ADAMTS9: variants seen among roughly 807,000 people sequenced by gnomAD.
ADAMTS9 encodes A disintegrin and metalloproteinase with thrombospondin motifs 9.
Under a neutral mutation model 257.1 loss-of-function variants are expected in ADAMTS9, and 107 were observed. That is an observed-to-expected ratio of 0.42 (90% CI 0.36 to 0.49). ADAMTS9 has a LOEUF of 0.49. Ranked by LOEUF, ADAMTS9 falls within the 20% of genes least tolerant of loss-of-function variation. The probability of loss-of-function intolerance (pLI) is 0.03; values close to 1 mark genes in which losing one functional copy is unlikely to be tolerated. For missense variants in ADAMTS9, 2,353 were observed against 2,469.1 expected (o/e 0.95, Z 1.00); for synonymous variants, 982 against 880.9 (o/e 1.11, Z -2.03).
chr3:64,671,309 G>C (rs918053673), intron 3 of ADAMTS9, among the ~76,000 whole-genome samples: 8 of 152,138 alleles, frequency 5.3e-5, no homozygotes, highest in Admixed American at 1.3e-4. Context: ...ACAGAAAACA[G>C]GGGTGGGGAG....
rs367823474 is a variant in ADAMTS9 at position 64,604,276 on chromosome 3, C to A, written c.3530G>T (p.Ser1177Ile). The change falls in exon 24 of 40, where the codon AGC becomes ATC. Residue 1177 changes from serine to isoleucine, a missense_variant. By Grantham distance (142) the Ser-to-Ile change is moderately radical (BLOSUM62 -2). Transcript: ENST00000498707. ...PPPAAPETRR[S>I]TYSAPRTQWR... is the part of the protein sequence containing the mutation. ...CTGGGTTCTTGGTGCACTGTATGTG[C>A]TTCTCCTCGTTTCCGGGGCAGCTGG... 1.2e-6 allele frequency: 2 copies of A among 1,613,502 alleles called. No individual in the cohort carries two copies. Among genetic ancestry groups the A allele is most frequent in the Non-Finnish European group, 1.7e-6 (2 of 1,179,820 alleles).
intron 3 of ADAMTS9, among the ~76,000 whole-genome samples, chr3:64,666,180 C>G (rs1701350935): frequency 6.6e-6 from 1 of 152,108 alleles, no homozygotes; most frequent in African/African-American, 2.4e-5. Flanking sequence ...CGTTGCAATA[C>G]AATAAAATGC....
At chr3:64,578,444 C>A (rs954035807) in intron 28 of ADAMTS9, among the ~76,000 whole-genome samples, 2 of 152,172 alleles carry the variant, frequency 1.3e-5, no homozygotes, top group Non-Finnish European at 2.9e-5. Context: ...ATGATTCCTA[C>A]ACTACTCTGA....
intron 2 of ADAMTS9, among the ~76,000 whole-genome samples, chr3:64,682,130 G>A (rs755793652): frequency 3.5e-4 from 53 of 152,164 alleles, no homozygotes; most frequent in Non-Finnish European, 1.2e-4. Flanking sequence ...TTTGAAGCCA[G>A]ATTGCCCTAG....
At chr3:64,677,960 C>T (rs1224654987) in intron 3 of ADAMTS9, among the ~76,000 whole-genome samples, 1 of 152,118 alleles carries the variant, frequency 6.6e-6, no homozygotes, top group Non-Finnish European at 1.5e-5. Flanking sequence ...CCCTTTTTAA[C>T]ATAAGTTATC....
intron 22 of ADAMTS9, among the ~76,000 whole-genome samples, chr3:64,612,641 C>T (rs1163607866): frequency 6.6e-6 from 1 of 152,174 alleles, no homozygotes; most frequent in African/African-American, 2.4e-5. Context: ...TGACAGCAGA[C>T]AGCTGTTCTA....
At chr3:64,533,479 A>G (rs188134835) in intron 37 of ADAMTS9, among the ~76,000 whole-genome samples, 525 of 152,322 alleles carry the variant, frequency 3.4e-3, no homozygotes, top group Non-Finnish European at 4.1e-3. Flanking sequence ...AAAGAGCTCT[A>G]CGAAGGAGGT....
chr3:64,619,206 T>C (rs576219250), intron 19 of ADAMTS9, among the ~76,000 whole-genome samples: 2 of 152,256 alleles, frequency 1.3e-5, no homozygotes, highest in South Asian at 2.1e-4. Flanking sequence ...GCTGTATCTA[T>C]AGTTATAATC....
intron 32 of ADAMTS9, among the ~76,000 whole-genome samples, chr3:64,545,259 C>T (rs374545247): frequency 2.6e-5 from 4 of 152,112 alleles, no homozygotes; most frequent in African/African-American, 7.2e-5. Context: ...CATTACTGGG[C>T]ATATACCCAA....
chr3:64,560,691 C>T (rs1343086782), intron 30 of ADAMTS9, among the ~76,000 whole-genome samples: 1 of 152,122 alleles, frequency 6.6e-6, no homozygotes, highest in African/African-American at 2.4e-5. Flanking sequence ...CAAAAAGTAC[C>T]CAGCACAGTG....
chr3:64,538,733 A>G (rs1157831888), intron 37 of ADAMTS9, among the ~76,000 whole-genome samples: 1 of 152,120 alleles, frequency 6.6e-6, no homozygotes, highest in African/African-American at 2.4e-5. Flanking sequence ...CCTTCTTCCT[A>G]GCCCTCCATT....
intron 38 of ADAMTS9, among the ~76,000 whole-genome samples, chr3:64,525,554 TA>T (rs1198596360): frequency 6.6e-6 from 1 of 152,134 alleles, no homozygotes; most frequent in Non-Finnish European, 1.5e-5. Flanking sequence ...AATCTCATTT[TA>T]AAAAAGGAAG....
chr3:64,664,545 T>C (rs1450037761), intron 3 of ADAMTS9, among the ~76,000 whole-genome samples: 5 of 152,212 alleles, frequency 3.3e-5, no homozygotes, highest in Non-Finnish European at 5.9e-5. Flanking sequence ...CTTCTGTGAC[T>C]GGCTTCTTTC....
intron 30 of ADAMTS9, among the ~76,000 whole-genome samples, chr3:64,555,773 G>C (rs2083325370): frequency 6.6e-6 from 1 of 152,130 alleles, no homozygotes; most frequent in African/African-American, 2.4e-5. Context: ...TCTTAGGAGG[G>C]GCTCAGCATG....
In ADAMTS9 at chr3:64,654,536, G is replaced by T. The variant is rs59517147; in HGVS notation, c.1210+36C>A. The stretch of plus-strand genomic sequence containing the variant: ...TTGAAATACAAACATGTAGTAAAAC[G>T]GTTTTAGCCATAGAAGATACGCACA... On this transcript the variant is annotated intron_variant, in intron 7 of 39. Coordinates refer to ENST00000498707, the MANE Select transcript of ADAMTS9 (RefSeq NM_182920.2). The T allele has an allele frequency of 0.58, 929,712 of 1,612,572 alleles. 273,064 individuals carry two copies. Among genetic ancestry groups the T allele is most frequent in the African/African-American group, 0.72 (53,915 of 74,914 alleles).
At chr3:64,682,264 T>C (rs1701777208) in intron 2 of ADAMTS9, among the ~76,000 whole-genome samples, 1 of 152,152 alleles carries the variant, frequency 6.6e-6, no homozygotes, top group Non-Finnish European at 1.5e-5. Flanking sequence ...ACTGTGCAGA[T>C]TAAATAAGAT....
At chr3:64,604,162 A>G in intron 24 of ADAMTS9, 65 bp downstream of exon 24, 1 of 1,600,072 alleles carries the variant, frequency 6.2e-7, no homozygotes, top group Non-Finnish European at 8.5e-7. Context: ...CCCACTTTCT[A>G]TAGCCATGTC....
At chr3:64,535,543 TTTTC>T (rs1247332048) in intron 37 of ADAMTS9, among the ~76,000 whole-genome samples, 18 of 128,164 alleles carry the variant, frequency 1.4e-4, no homozygotes, top group Non-Finnish European at 2.6e-4. Context: ...TTTTCTTTTC[TTTTC>T]TTTTCTTTTT....
At chr3:64,632,134 TC>T (rs1322710467) in intron 14 of ADAMTS9, among the ~76,000 whole-genome samples, 1 of 152,142 alleles carries the variant, frequency 6.6e-6, no homozygotes, top group Non-Finnish European at 1.5e-5. Context: ...TTTGATGTGG[TC>T]AGGAATGCAG....
Sources: gnomAD v4.1 joint callset for allele counts (sites outside exome capture counted in the v4.1 genomes callset) on GRCh38, gnomAD v4.1.1 for gene constraint, MANE v1.5 for transcripts, NCBI Gene and HGNC (gene_info 2026-07-23, HGNC 2026-07-21) for gene names.